The following KCNMB2 variants were observed in gnomAD, a reference collection of about 807,000 sequenced individuals.
The protein encoded by KCNMB2 is potassium calcium-activated channel subfamily M regulatory beta subunit 2.
A neutral mutation model predicts 24.5 loss-of-function variants in KCNMB2; 9 were observed. The observed-to-expected ratio is 0.37, with a 90% CI of 0.22 to 0.64. The LOEUF (loss-of-function observed/expected upper bound fraction) is 0.64, where lower values mean the gene tolerates loss of function less well. Ranked by LOEUF, KCNMB2 falls within the 30% of genes least tolerant of loss-of-function variation. The pLI, the probability that KCNMB2 is intolerant of heterozygous loss-of-function variation, is 0.63. For missense variants in KCNMB2, 226 were observed against 284.3 expected (o/e 0.79, Z 1.47); for synonymous variants, 109 against 104.4 (o/e 1.04, Z -0.27).
At chr3:178,738,945 GT>G (rs1723405637) in intron 1 of KCNMB2, among the ~76,000 whole-genome samples, 1 of 152,150 alleles carries the variant, frequency 6.6e-6, no homozygotes, top group Admixed American at 6.5e-5. Context: ...GAATCAGTCT[GT>G]TTCCCAACAT....
Position 178,758,730 on chromosome 3 carries a change from C to CTCTCTA in KCNMB2, c.-67-48613_-67-48612insTCTCTA, listed in dbSNP as rs1236638238. On this transcript the variant is annotated intron_variant, in intron 1 of 4. Transcript: ENST00000452583. ...AGGAGATATATATATATATATATCT[C>CTCTCTA]CAAGAGGAGATATATATATATATAT... Among the ~76,000 whole-genome samples, 3 of 35,638 alleles carry CTCTCTA rather than the reference C, an allele frequency of 8.4e-5. 1 individual carries two copies. The highest frequency in any genetic ancestry group is 4.3e-4 in the African/African-American group (3 of 6,962). 23.4% of individuals were successfully genotyped at this position (35,638 alleles called of 152,430 possible).
intron 1 of KCNMB2, among the ~76,000 whole-genome samples, chr3:178,645,021 C>T (rs953766730): frequency 1.3e-5 from 2 of 150,718 alleles, no homozygotes; most frequent in Admixed American, 1.3e-4. Context: ...AATGGTAGTT[C>T]CCCTCCCTTG....
intron 1 of KCNMB2, among the ~76,000 whole-genome samples, chr3:178,660,307 G>C (rs1720479832): frequency 1.3e-5 from 2 of 152,116 alleles, no homozygotes; most frequent in Non-Finnish European, 2.9e-5. Flanking sequence ...ACTGAAAATA[G>C]TCATTATTTT....
chr3:178,670,694 A>C (rs1720871119), intron 1 of KCNMB2, among the ~76,000 whole-genome samples: 1 of 152,146 alleles, frequency 6.6e-6, no homozygotes, highest in Admixed American at 6.6e-5. Context: ...CCGGGCTTTG[A>C]ACCAGGTCAT....
chr3:178,615,246 G>A (rs146007402), intron 1 of KCNMB2, among the ~76,000 whole-genome samples: 64 of 152,136 alleles, frequency 4.2e-4, no homozygotes, highest in African/African-American at 1.4e-3. Context: ...ACTGCATCTC[G>A]CCCATGGCCT....
chr3:178,694,084 G>A (rs1440632022), intron 1 of KCNMB2, among the ~76,000 whole-genome samples: 1 of 152,116 alleles, frequency 6.6e-6, no homozygotes, highest in African/African-American at 2.4e-5. Flanking sequence ...TCCCAGTTCA[G>A]CATAGCTGGG....
rs376138461 is a variant in KCNMB2, at chr3:178,758,139, G to GAT, written c.-67-49187_-67-49186dup. The stretch of plus-strand genomic sequence containing the variant: ...GGATATATATATGTACACACAAGAG[G>GAT]ATATATATATATATATATCCAAGAG... On this transcript the variant is annotated intron_variant, in intron 1 of 4. Transcript: ENST00000452583. Among the ~76,000 whole-genome samples the GAT allele has an allele frequency of 1.7e-3, 20 of 11,648 alleles. 2 individuals are homozygous for GAT. Among genetic ancestry groups the GAT allele is most frequent in the Non-Finnish European group, 2.6e-3 (13 of 4,972 alleles). 7.6% of individuals were successfully genotyped at this position (11,648 alleles called of 152,430 possible).
At chr3:178,551,485 G>T (rs930862250) in intron 1 of KCNMB2, among the ~76,000 whole-genome samples, 1 of 152,140 alleles carries the variant, frequency 6.6e-6, no homozygotes, top group East Asian at 1.9e-4. Context: ...CATCACTTCG[G>T]CCTTTCGAAC....
chr3:178,541,890 A>G (rs919339258), intron 1 of KCNMB2, among the ~76,000 whole-genome samples: 10 of 152,134 alleles, frequency 6.6e-5, no homozygotes, highest in African/African-American at 2.4e-4. Context: ...CAGTCCGATC[A>G]CCTGCTCATT....
chr3:178,815,495 C>A (rs189051692), intron 2 of KCNMB2, among the ~76,000 whole-genome samples: 34 of 152,112 alleles, frequency 2.2e-4, no homozygotes, highest in African/African-American at 8.0e-4. Context: ...TTGGTGAATA[C>A]GCTTTTATTT....
intron 1 of KCNMB2, among the ~76,000 whole-genome samples, chr3:178,746,093 C>A (rs1420263624): frequency 6.6e-6 from 1 of 152,192 alleles, no homozygotes; most frequent in African/African-American, 2.4e-5. Context: ...GTGGCTCCAA[C>A]CCAACATTTC....
rs115047974 is a variant in KCNMB2 at position 178,769,340 on chromosome 3, C to T, written c.-67-38003C>T. Among the ~76,000 whole-genome samples the T allele has an allele frequency of 7.7e-3, 1,170 of 152,212 alleles. 14 individuals carry two copies. Among genetic ancestry groups the T allele is most frequent in the African/African-American group, 0.027 (1,118 of 41,538 alleles). ...TGTCTTATGGTTAGTGCCTACATAA[C>T]CAGTTCTTGCACCAGGACAGGGTAA... On this transcript the variant is annotated intron_variant, in intron 1 of 4. Transcript: ENST00000452583.
chr3:178,599,502 G>A (rs1020398300), intron 1 of KCNMB2, among the ~76,000 whole-genome samples: 5 of 152,126 alleles, frequency 3.3e-5, no homozygotes, highest in Middle Eastern at 6.8e-3. Flanking sequence ...ATGACAAATC[G>A]CAACACACAA....
In KCNMB2 at chr3:178,634,950, A is replaced by G. The variant is rs145167891; in HGVS notation, c.-68+98239A>G. On this transcript the variant is annotated intron_variant, in intron 1 of 4. Coordinates refer to ENST00000452583, the MANE Select transcript of KCNMB2 (RefSeq NM_181361.3). ...TAGAGGCAACATGGGGTGCAAGGGTACAAGTCTGAGTTCAGTGGGGAGGAA... is the reference window on the plus strand; with the variant it reads ...TAGAGGCAACATGGGGTGCAAGGGTGCAAGTCTGAGTTCAGTGGGGAGGAA... 2.0e-5 allele frequency among the ~76,000 whole-genome samples: 3 copies of G among 152,282 alleles called. No individual in the cohort carries two copies. The East Asian group carries it at 5.8e-4, about 29-fold the overall frequency.
At chr3:178,758,525 TGTATATATATATATATATATATATATCCA>T in intron 1 of KCNMB2, among the ~76,000 whole-genome samples, 1 of 18,930 alleles carries the variant, frequency 5.3e-5, no homozygotes, top group Admixed American at 7.0e-4. Flanking sequence ...CAAGAGGAGA[TGTATATATATATATATATATATATATCCA>T]AGAGGAGATA....
chr3:178,657,303 A>T (rs1338123999), intron 1 of KCNMB2, among the ~76,000 whole-genome samples: 1 of 152,184 alleles, frequency 6.6e-6, no homozygotes, highest in Non-Finnish European at 1.5e-5. Flanking sequence ...AGATATCTCA[A>T]GGTTCTCTTT....
chr3:178,709,073 G>T (rs2108348028), intron 1 of KCNMB2, among the ~76,000 whole-genome samples: 1 of 152,290 alleles, frequency 6.6e-6, no homozygotes, highest in South Asian at 2.1e-4. Flanking sequence ...TTTAGGGGAA[G>T]AAGAAGGGAA....
intron 1 of KCNMB2, among the ~76,000 whole-genome samples, chr3:178,795,758 GC>G (rs1382156265): frequency 3.9e-5 from 6 of 152,028 alleles, no homozygotes; most frequent in Non-Finnish European, 8.8e-5. Flanking sequence ...GTTGTAAGTT[GC>G]AATAGAAAAC....
chr3:178,557,910 C>T (rs1244352130), intron 1 of KCNMB2, among the ~76,000 whole-genome samples: 5 of 152,178 alleles, frequency 3.3e-5, no homozygotes, highest in African/African-American at 9.7e-5. Flanking sequence ...GACATTGAAA[C>T]GAAACCTTGG....
Sources: gnomAD v4.1 joint callset for allele counts (sites outside exome capture counted in the v4.1 genomes callset) on GRCh38, gnomAD v4.1.1 for gene constraint, MANE v1.5 for transcripts, NCBI Gene and HGNC (gene_info 2026-07-23, HGNC 2026-07-21) for gene names.